The following DORIP1 variants were observed in gnomAD, a reference collection of about 807,000 sequenced individuals.
DORIP1 encodes the protein dopamine receptor interacting protein 1.
the DORIP1 span, chr14:44,905,226 T>C: frequency 2.1e-6 from 1 of 479,552 alleles, no homozygotes; most frequent in East Asian, 3.5e-5. Flanking sequence ...TTTTATTACA[T>C]GATCTATAGA....
the DORIP1 span, chr14:44,900,773 T>C: frequency 1.9e-6 from 3 of 1,614,128 alleles, no homozygotes; most frequent in Non-Finnish European, 2.5e-6. Context: ...TGGGACAAGA[T>C]GGAAAAACAG....
chr14:44,902,442 C>G, the DORIP1 span, among the ~76,000 whole-genome samples: 1 of 152,174 alleles, frequency 6.6e-6, no homozygotes, highest in Non-Finnish European at 1.5e-5. Context: ...ATCCTCCTGT[C>G]TCAGCACCCC....
chr14:44,905,401 G>C, the DORIP1 span: 8 of 1,544,644 alleles, frequency 5.2e-6, no homozygotes, highest in Non-Finnish European at 7.1e-6. Context: ...ATTTAACAAA[G>C]AGGAACATCA....
chr14:44,905,470 G>GT, the DORIP1 span: 2 of 1,566,226 alleles, frequency 1.3e-6, no homozygotes, highest in Non-Finnish European at 1.7e-6. Context: ...GCTCAGAAAT[G>GT]TGAATTTAAT....
At chr14:44,900,751 C>A in the DORIP1 span, 16 of 1,613,858 alleles carry the variant, frequency 9.9e-6, no homozygotes, top group Non-Finnish European at 1.4e-5. Context: ...AACTGTGAAG[C>A]TACTTTGGAT....
the DORIP1 span, chr14:44,903,792 T>C: frequency 1.0e-6 from 1 of 975,326 alleles, no homozygotes; most frequent in Non-Finnish European, 1.2e-6. Context: ...CTGTTAATTG[T>C]ACCTATTAAG....
the DORIP1 span, chr14:44,905,636 A>C: frequency 1.0e-6 from 1 of 975,202 alleles, no homozygotes; most frequent in Non-Finnish European, 1.4e-6. Flanking sequence ...CTTGGTATCC[A>C]AGAAAATAGT....
chr14:44,904,792 CAACTT>C, the DORIP1 span: 1 of 295,342 alleles, frequency 3.4e-6, no homozygotes, highest in Admixed American at 5.0e-5. Flanking sequence ...CTTGGGCCAA[CAACTT>C]AACCAGTTTA....
the DORIP1 span, among the ~76,000 whole-genome samples, chr14:44,902,081 C>T: frequency 1.3e-5 from 2 of 152,182 alleles, no homozygotes; most frequent in Admixed American, 6.6e-5. Context: ...ATCACATACC[C>T]TAATTTGTTA....
chr14:44,898,701 C>G, the DORIP1 span, among the ~76,000 whole-genome samples: 1 of 152,102 alleles, frequency 6.6e-6, no homozygotes, highest in Admixed American at 6.5e-5. Flanking sequence ...CCTCTTCTTC[C>G]TAAGTGGATG....
the DORIP1 span, chr14:44,904,612 G>A: frequency 1.1e-5 from 15 of 1,307,620 alleles, no homozygotes; most frequent in African/African-American, 1.5e-5. Context: ...TAGCCCTTAA[G>A]AGATATTGTT....
the DORIP1 span, chr14:44,901,100 T>G: frequency 1.3e-6 from 1 of 783,730 alleles, no homozygotes; most frequent in Non-Finnish European, 2.0e-6. Flanking sequence ...ATACTGTATA[T>G]TTAGTATACC....
At chr14:44,900,087 C>T in the DORIP1 span, among the ~76,000 whole-genome samples, 1 of 152,106 alleles carries the variant, frequency 6.6e-6, no homozygotes, top group Non-Finnish European at 1.5e-5. Context: ...GCCTCAGCCT[C>T]CCAAAGTACT....
At chr14:44,901,945 A>G in the DORIP1 span, among the ~76,000 whole-genome samples, 1 of 152,226 alleles carries the variant, frequency 6.6e-6, no homozygotes, top group Non-Finnish European at 1.5e-5. Context: ...TCCAAGGGAC[A>G]TGAGCTGGAA....
the DORIP1 span, chr14:44,904,600 A>G: frequency 7.2e-7 from 1 of 1,385,756 alleles, no homozygotes; most frequent in Non-Finnish European, 9.7e-7. Flanking sequence ...TATGATTTTG[A>G]CTAGCCCTTA....
the DORIP1 span, chr14:44,905,264 TACAA>T: frequency 1.3e-6 from 1 of 766,114 alleles, no homozygotes; most frequent in African/African-American, 1.8e-5. Flanking sequence ...GGGAACAGAA[TACAA>T]ACAATGTCAA....
the DORIP1 span, chr14:44,905,768 G>A: frequency 3.3e-6 from 1 of 307,080 alleles, no homozygotes; most frequent in Non-Finnish European, 5.9e-6. Flanking sequence ...TTTTATATGA[G>A]CATATTTTAT....
chr14:44,899,478 T>A, the DORIP1 span, among the ~76,000 whole-genome samples: 1 of 152,216 alleles, frequency 6.6e-6, no homozygotes, highest in African/African-American at 2.4e-5. Flanking sequence ...TTAGCTATGC[T>A]ACTATTCACT....
chr14:44,904,170 G>A, the DORIP1 span: 11 of 985,096 alleles, frequency 1.1e-5, no homozygotes, highest in African/African-American at 1.9e-4. Flanking sequence ...AGCATTTCCT[G>A]GAGTTTTAAA....
Sources: allele counts gnomAD v4.1 joint callset (sites outside exome capture counted in the v4.1 genomes callset), GRCh38; gene constraint gnomAD v4.1.1; transcripts MANE v1.5; gene names NCBI Gene and HGNC (gene_info 2026-07-23, HGNC 2026-07-21).